Variants in EFCAB5 observed in about 807,000 individuals in gnomAD.
EFCAB5 encodes EF-hand calcium-binding domain-containing protein 5.
EFCAB5 carries 131 observed loss-of-function variants against 167.9 expected under a neutral mutation model. The observed-to-expected ratio is 0.78, with a 90% confidence interval of 0.68 to 0.90. The LOEUF is 0.90. EFCAB5 is among the 40% of genes least tolerant of loss of function. The probability of loss-of-function intolerance (pLI) is 0.00; values close to 1 mark genes in which losing one functional copy is unlikely to be tolerated. For synonymous variants in EFCAB5, 574 were observed against 602.8 expected (o/e 0.95, Z 0.70); for missense variants, 1,663 against 1,745.2 (o/e 0.95, Z 0.84).
At chr17:29,941,037 A>G (rs771060791), upstream of EFCAB5, among the ~76,000 whole-genome samples, 3 of 141,330 alleles carry the variant, frequency 2.1e-5, no homozygotes, top group Non-Finnish European at 3.1e-5. Context: ...GAGACTCTGT[A>G]AAAAAAAAAA....
At chr17:29,985,478 G>C (rs2068261830) in intron 4 of EFCAB5, among the ~76,000 whole-genome samples, 1 of 152,196 alleles carries the variant, frequency 6.6e-6, no homozygotes, top group Admixed American at 6.5e-5. Context: ...ATAAAGTGTG[G>C]AGTGGGAAAT....
chr17:29,968,650 G>T (rs2067883402), intron 3 of EFCAB5, 141 bp from the exon 4 acceptor site: 2 of 688,284 alleles, frequency 2.9e-6, no homozygotes, highest in Non-Finnish European at 4.6e-6. Flanking sequence ...CACTTTGTCT[G>T]ATTTTCTGTT....
At chr17:30,061,945 T>C (rs2070436850) in intron 14 of EFCAB5, among the ~76,000 whole-genome samples, 1 of 152,190 alleles carries the variant, frequency 6.6e-6, no homozygotes, top group African/African-American at 2.4e-5. Context: ...CTATAGAACA[T>C]GTGGCCTGTC....
intron 4 of EFCAB5, among the ~76,000 whole-genome samples, chr17:29,986,149 C>T (rs2068277692): frequency 1.3e-5 from 2 of 152,190 alleles, no homozygotes; most frequent in African/African-American, 2.4e-5. Flanking sequence ...GTCTGGGATA[C>T]TTTAAATATT....
chr17:30,068,075 G>T (rs192428964), intron 14 of EFCAB5, among the ~76,000 whole-genome samples: 80 of 152,362 alleles, frequency 5.3e-4, no homozygotes, highest in Admixed American at 2.8e-3. Flanking sequence ...GGAGGCGGAG[G>T]CGGGTGGATC....
chr17:29,951,609 C>A (rs1030574763), intron 3 of EFCAB5, among the ~76,000 whole-genome samples: 13 of 152,000 alleles, frequency 8.6e-5, no homozygotes, highest in Non-Finnish European at 1.5e-4. Flanking sequence ...CCCGCCTTGG[C>A]CTCCCAAAGT....
chr17:30,080,784 CA>C lies in EFCAB5; in HGVS notation c.3230del (p.His1077LeufsTer37). The C allele has an allele frequency of 6.2e-7, 1 of 1,610,136 alleles. No homozygotes were observed. The highest frequency in any genetic ancestry group is 8.5e-7 in the Non-Finnish European group (1 of 1,178,110). On this transcript the variant is annotated frameshift_variant, in exon 17 of 23. Transcript: ENST00000394835. LOFTEE classifies it high-confidence loss of function. ...FTVVDEGKPIHVPQVQYHGNI... is the reference protein window; with the variant it reads ...FTVVDEGKPIXVPQVQYHGNI... ...AGTAGTGGATGAAGGGAAGCCAATC[CA>C]TGTTCCCCAAGTTCAGTACCATGGG...
chr17:30,090,044 C>T (rs949601375), intron 19 of EFCAB5, among the ~76,000 whole-genome samples: 6 of 152,180 alleles, frequency 3.9e-5, no homozygotes, highest in African/African-American at 9.7e-5. Flanking sequence ...CTAGGGAACC[C>T]GACCTAACAC....
Position 30,107,905 on chromosome 17 carries a change from T to C in EFCAB5, c.4393T>C (p.Cys1465Arg). 1.2e-6 allele frequency: 2 copies of C among 1,610,746 alleles called. No individual in the cohort carries two copies. The highest frequency in any genetic ancestry group is 1.7e-6 in the Non-Finnish European group (2 of 1,179,168). ...IEHLYHWIHICSALMKITKQL... is the reference protein window; with the variant it reads ...IEHLYHWIHIRSALMKITKQL... Reference sequence around the variant, plus strand: ...ACATCTATACCACTGGATACACATCTGTTCAGCTCTCATGAAGATAACCAA... The same window carrying C: ...ACATCTATACCACTGGATACACATCCGTTCAGCTCTCATGAAGATAACCAA... The change falls in exon 23 of 23, where the codon TGT (cysteine) becomes CGT (arginine). Residue 1465 changes from cysteine to arginine, a missense_variant. By Grantham distance (180) the Cys-to-Arg change is radical. Coordinates refer to ENST00000394835, the MANE Select transcript of EFCAB5 (RefSeq NM_198529.4).
intron 7 of EFCAB5, among the ~76,000 whole-genome samples, chr17:30,015,239 G>A (rs1052074664): frequency 3.9e-5 from 6 of 151,994 alleles, no homozygotes; most frequent in African/African-American, 9.7e-5. Context: ...GCATTTTTCC[G>A]TCATTTCAAC....
chr17:29,994,938 G>A (rs1441092157), intron 5 of EFCAB5, among the ~76,000 whole-genome samples: 1 of 152,102 alleles, frequency 6.6e-6, no homozygotes, highest in African/African-American at 2.4e-5. Flanking sequence ...ATTAACTGAC[G>A]AAAAACAGGT....
At chr17:29,967,700 C>T (rs1162018834) in intron 3 of EFCAB5, among the ~76,000 whole-genome samples, 1 of 152,098 alleles carries the variant, frequency 6.6e-6, no homozygotes, top group Non-Finnish European at 1.5e-5. Flanking sequence ...CTTTTCCTGT[C>T]ATTGCTAGAG....
intron 3 of EFCAB5, among the ~76,000 whole-genome samples, chr17:29,957,277 T>C (rs2067635555): frequency 6.6e-6 from 1 of 152,196 alleles, no homozygotes; most frequent in African/African-American, 2.4e-5. Context: ...TATTGAACCA[T>C]CTTTGCATCC....
At chr17:29,968,364 G>A (rs1476182923) in intron 3 of EFCAB5, 1 of 451,172 alleles carries the variant, frequency 2.2e-6, no homozygotes, top group Non-Finnish European at 4.4e-6. Context: ...AGTTAGGGCA[G>A]ATGAAATGTA....
chr17:30,091,790 T>C, intron 20 of EFCAB5, 81 bp from the exon 21 acceptor site: 1 of 1,483,664 alleles, frequency 6.7e-7, no homozygotes, highest in East Asian at 2.3e-5. Context: ...CTATAATATG[T>C]TCAGAATCCT....
At chr17:30,028,266 G>C (rs1465208757) in intron 7 of EFCAB5, among the ~76,000 whole-genome samples, 1 of 152,112 alleles carries the variant, frequency 6.6e-6, no homozygotes, top group South Asian at 2.1e-4. Flanking sequence ...TTCGTCAACT[G>C]TACCCAAAGA....
chr17:29,985,715 C>T (rs1347802486), intron 4 of EFCAB5, among the ~76,000 whole-genome samples: 2 of 152,160 alleles, frequency 1.3e-5, no homozygotes, highest in African/African-American at 2.4e-5. Context: ...TTAGGAACGC[C>T]TTAGGTGGTT....
intron 8 of EFCAB5, among the ~76,000 whole-genome samples, chr17:30,037,931 A>ATTCT: frequency 2.0e-5 from 3 of 152,216 alleles, no homozygotes; most frequent in South Asian, 4.1e-4. Context: ...TAACCCTAGA[A>ATTCT]AGGGTTATTA....
intron 22 of EFCAB5, among the ~76,000 whole-genome samples, chr17:30,103,214 A>AAT (rs1279070222): frequency 6.8e-6 from 1 of 147,916 alleles, no homozygotes; most frequent in Non-Finnish European, 1.5e-5. Flanking sequence ...ATAATTTATA[A>AAT]ATATATATAT....
Sources: allele counts gnomAD v4.1 joint callset (sites outside exome capture counted in the v4.1 genomes callset), GRCh38; gene constraint gnomAD v4.1.1; transcripts MANE v1.5; gene names NCBI Gene and HGNC (gene_info 2026-07-23, HGNC 2026-07-21).